The following SLC23A2 variants were observed in gnomAD, a reference collection of about 807,000 sequenced individuals.
SLC23A2 encodes the protein Na(+)/L-ascorbic acid transporter 2.
SLC23A2 carries 36 observed loss-of-function variants against 73.3 expected under a neutral mutation model. The ratio of observed to expected loss-of-function variants is 0.49; its 90% CI spans 0.38 to 0.65. The LOEUF (loss-of-function observed/expected upper bound fraction) is 0.65, where lower values mean the gene tolerates loss of function less well. Ranked by LOEUF, SLC23A2 falls within the 30% of genes least tolerant of loss-of-function variation. The probability of loss-of-function intolerance (pLI) is 0.00; values close to 1 mark genes in which losing one functional copy is unlikely to be tolerated. For synonymous variants in SLC23A2, 343 were observed against 327.3 expected, an observed-to-expected ratio of 1.05 and a Z score of -0.52; for missense variants, 507 against 841.6, an observed-to-expected ratio of 0.60 and a Z score of 4.92.
rs774174353 is a variant in SLC23A2 at position 4,862,848 on chromosome 20, G to A, written c.1416C>T (p.Ile472=). 8 of 1,613,910 alleles carry A rather than the reference G, an allele frequency of 5.0e-6. No individual in the cohort carries two copies. Among genetic ancestry groups the A allele is most frequent in the Admixed American group, 1.7e-5 (1 of 60,026 alleles). ...GAALMLALGM[I]GKFSALFASL... ...ACGCAAAGAGGGCGCTGAACTTCCC[G>A]ATCATGCCCAGAGCGAGCATGAGGG... is the stretch of plus-strand genomic sequence containing the variant. Residue 472 remains isoleucine, a synonymous_variant, in exon 14 of 17, where the codon ATC becomes ATT. Coordinates refer to ENST00000338244, the MANE Select transcript of SLC23A2 (RefSeq NM_005116.6). This position sits in a 1 kb window ranked among gnomAD's most constrained non-coding sequence, Gnocchi z 5.1.
At position 4,998,579 on chromosome 20, in the gene SLC23A2, G is replaced by A. The variant is rs2088061890; in HGVS notation, c.-282+2827C>T. On this transcript the variant is annotated intron_variant, in intron 1 of 16. Transcript: ENST00000338244. This position sits in a 1 kb window ranked among gnomAD's most constrained non-coding sequence, Gnocchi z 4.1. Reference sequence around the variant, plus strand: ...AAAGCAAGCCCAGAGAACAACTGGAGGAATAGCAGGGCATGAAAATGAATT... The same window carrying A: ...AAAGCAAGCCCAGAGAACAACTGGAAGAATAGCAGGGCATGAAAATGAATT... Among the ~76,000 whole-genome samples, 1 of 148,240 alleles carries A rather than the reference G, an allele frequency of 6.7e-6. No individual in the cohort carries two copies. Among genetic ancestry groups the A allele is most frequent in the South Asian group, 2.2e-4 (1 of 4,626 alleles).
At chr20:4,950,510 T>C (rs905269794) in intron 2 of SLC23A2, among the ~76,000 whole-genome samples, 3 of 152,110 alleles carry the variant, frequency 2.0e-5, no homozygotes, top group African/African-American at 7.2e-5. Flanking sequence ...TACTGAACAG[T>C]GGAAGTACCC....
intron 2 of SLC23A2, among the ~76,000 whole-genome samples, chr20:4,940,070 A>G (rs938284725): frequency 1.3e-5 from 2 of 152,116 alleles, no homozygotes; most frequent in Non-Finnish European, 2.9e-5. Context: ...TAATCCCAAC[A>G]GTTTTGGGAG....
chr20:4,904,457 A>C (rs545932443), intron 4 of SLC23A2, among the ~76,000 whole-genome samples: 235 of 75,314 alleles, frequency 3.1e-3, no homozygotes, highest in African/African-American at 8.2e-3. Flanking sequence ...TCTGAAGAAA[A>C]AAACAAACAA....
intron 13 of SLC23A2, among the ~76,000 whole-genome samples, chr20:4,864,654 G>A (rs1930121558): frequency 6.6e-6 from 1 of 152,222 alleles, no homozygotes; most frequent in Admixed American, 6.5e-5. Context: ...ACAGGTGAAT[G>A]CAAAGATGAA....
chr20:4,960,166 G>T (rs1206501851), intron 2 of SLC23A2, among the ~76,000 whole-genome samples: 1 of 152,120 alleles, frequency 6.6e-6, no homozygotes, highest in Non-Finnish European at 1.5e-5. Flanking sequence ...ATCAACTAGT[G>T]AATATCCACA....
chr20:4,983,646 TA>T (rs35983102), intron 1 of SLC23A2, among the ~76,000 whole-genome samples: 19,416 of 86,178 alleles, frequency 0.23, 1,722 homozygotes, highest in East Asian at 0.49. Flanking sequence ...ACTCCGTCTT[TA>T]AAAAAAAAAA....
At chr20:4,880,613 A>T (rs1324978985) in intron 9 of SLC23A2, among the ~76,000 whole-genome samples, 1 of 152,156 alleles carries the variant, frequency 6.6e-6, no homozygotes, top group Non-Finnish European at 1.5e-5. Context: ...ACAAAGAGAT[A>T]GAAAACAGGA....
intron 1 of SLC23A2, among the ~76,000 whole-genome samples, chr20:4,988,116 T>C (rs2087860728): frequency 6.6e-6 from 1 of 151,058 alleles, no homozygotes; most frequent in African/African-American, 2.4e-5. Context: ...CTGGCCAACA[T>C]GGCGAAACCC....
intron 1 of SLC23A2, among the ~76,000 whole-genome samples, chr20:5,000,945 A>AATT (rs1475113717): frequency 3.9e-5 from 6 of 152,132 alleles, no homozygotes; most frequent in Non-Finnish European, 7.4e-5. Flanking sequence ...GATGCCCCTG[A>AATT]ATTCCAGGGG....
chr20:4,896,116 G>C (rs1438737746), intron 6 of SLC23A2, among the ~76,000 whole-genome samples: 1 of 152,166 alleles, frequency 6.6e-6, no homozygotes, highest in Non-Finnish European at 1.5e-5. Flanking sequence ...GGGGGGATGA[G>C]AGAAGAGGAG....
intron 3 of SLC23A2, among the ~76,000 whole-genome samples, chr20:4,920,538 T>A (rs1932468741): frequency 6.6e-6 from 1 of 152,170 alleles, no homozygotes; most frequent in South Asian, 2.1e-4. Flanking sequence ...TAGCAAAACA[T>A]TAGAAACAGT....
Position 4,863,455 on chromosome 20 carries a change from G to A in SLC23A2, c.1357-548C>T, listed in dbSNP as rs1358232941. Among the ~76,000 whole-genome samples, 1 of 152,208 alleles carries A rather than the reference G, an allele frequency of 6.6e-6. No individual in the cohort carries two copies. The highest frequency in any genetic ancestry group is 1.5e-5 in the Non-Finnish European group (1 of 68,032). On this transcript the variant is annotated intron_variant, in intron 13 of 16. Coordinates refer to ENST00000338244, the MANE Select transcript of SLC23A2 (RefSeq NM_005116.6). The surrounding 1 kb of genome is among the most constrained non-coding windows in gnomAD (Gnocchi z 4.8). ...GTCGGGCCGACCCGTAGCCTCTAGA[G>A]TCTCAGGATCTTCATCTCAGTCACA...
At chr20:4,995,889 A>G (rs1013797204) in intron 1 of SLC23A2, among the ~76,000 whole-genome samples, 7 of 152,314 alleles carry the variant, frequency 4.6e-5, no homozygotes, top group Non-Finnish European at 7.3e-5. Context: ...CTGGCACTCA[A>G]CTGACACTGG....
At chr20:4,874,990 C>A (rs1380487449) in intron 9 of SLC23A2, among the ~76,000 whole-genome samples, 1 of 152,134 alleles carries the variant, frequency 6.6e-6, no homozygotes, top group Non-Finnish European at 1.5e-5. Context: ...TAAGAAAACC[C>A]AAAGAATGTA....
chr20:4,871,188 C>T (rs1174490155), intron 11 of SLC23A2, among the ~76,000 whole-genome samples: 6 of 152,150 alleles, frequency 3.9e-5, no homozygotes, highest in South Asian at 4.1e-4. Flanking sequence ...AGAACGATGG[C>T]TAAAACATGG....
rs118166367 is a variant in SLC23A2 at position 4,868,537 on chromosome 20, G to A, written c.1251-662C>T. ...TTGGGGTATAAGACAAACATGGGCC[G>A]TCTATGGAAATAAAACATTGATGTG... On this transcript the variant is annotated intron_variant, in intron 12 of 16. Coordinates refer to ENST00000338244, the MANE Select transcript of SLC23A2 (RefSeq NM_005116.6). The surrounding 1 kb of genome is among the most constrained non-coding windows in gnomAD (Gnocchi z 4.4). Among the ~76,000 whole-genome samples, 63 of 152,296 alleles carry A rather than the reference G, an allele frequency of 4.1e-4. No individual in the cohort carries two copies. The highest frequency in any genetic ancestry group is 2.2e-4 in the Non-Finnish European group (15 of 68,014).
At chr20:4,905,320 C>A (rs923796925) in intron 4 of SLC23A2, among the ~76,000 whole-genome samples, 2 of 152,202 alleles carry the variant, frequency 1.3e-5, no homozygotes, top group East Asian at 1.9e-4. Context: ...GAGGATCAGA[C>A]AACACTGTGA....
intron 6 of SLC23A2, chr20:4,886,126 A>ACAATCCTCCCCATTGCCAC (rs2122834537): frequency 2.0e-6 from 1 of 493,322 alleles, no homozygotes; most frequent in South Asian, 2.3e-5. Context: ...CCTCCCACCC[A>ACAATCCTCCCCATTGCCAC]GGCAGCTCCA....
Sources: gnomAD v4.1 joint callset for allele counts (sites outside exome capture counted in the v4.1 genomes callset) on GRCh38, gnomAD v4.1.1 for gene constraint, Gnocchi (gnomAD v3.1) non-coding constraint, MANE v1.5 for transcripts, NCBI Gene and HGNC (gene_info 2026-07-23, HGNC 2026-07-21) for gene names.